The following SGK1 variants were observed in gnomAD, a reference collection of about 807,000 sequenced individuals.
The protein encoded by SGK1 is serine/threonine-protein kinase Sgk1.
In SGK1, 26 loss-of-function variants were observed where a neutral mutation model predicts 64.2. The observed-to-expected ratio is 0.40, with a 90% CI of 0.30 to 0.56. SGK1 has a LOEUF of 0.56. Among genes scored for constraint, SGK1 ranks in the 20% least tolerant of loss-of-function variants. The pLI, the probability that SGK1 is intolerant of heterozygous loss-of-function variation, is 0.38. For synonymous variants in SGK1, 265 were observed against 239.7 expected (o/e 1.11, Z -0.98); for missense variants, 519 against 645.6 (o/e 0.80, Z 2.12).
intron 3 of SGK1, among the ~76,000 whole-genome samples, chr6:134,176,185 C>T (rs1463275064): frequency 2.6e-5 from 4 of 152,178 alleles, no homozygotes; most frequent in Non-Finnish European, 4.4e-5. Context: ...GGGGCCTGCT[C>T]CTCTCCCGCT....
At chr6:134,238,889 G>A (rs1415356821) in intron 2 of SGK1, among the ~76,000 whole-genome samples, 1 of 152,176 alleles carries the variant, frequency 6.6e-6, no homozygotes, top group African/African-American at 2.4e-5. Flanking sequence ...GATCGTCTCA[G>A]ACGGCCACCA....
intron 1 of SGK1, among the ~76,000 whole-genome samples, chr6:134,307,017 C>T (rs566728206): frequency 6.6e-6 from 1 of 151,332 alleles, no homozygotes; most frequent in South Asian, 2.1e-4. Context: ...ATTTGCATTG[C>T]TCTGAGTTTT....
intron 1 of SGK1, among the ~76,000 whole-genome samples, chr6:134,281,251 G>T (rs976376109): frequency 6.6e-6 from 1 of 152,232 alleles, no homozygotes; most frequent in East Asian, 1.9e-4. Flanking sequence ...TTTTAGTACT[G>T]TTAGAAGATC....
chr6:134,251,744 T>C (rs1400206442), intron 2 of SGK1, among the ~76,000 whole-genome samples: 1 of 152,170 alleles, frequency 6.6e-6, no homozygotes, highest in Non-Finnish European at 1.5e-5. Flanking sequence ...ACTTGAATTG[T>C]GTCTCTCTGT....
intron 2 of SGK1, among the ~76,000 whole-genome samples, chr6:134,220,167 G>T (rs919676618): frequency 6.6e-6 from 1 of 150,542 alleles, no homozygotes; most frequent in Non-Finnish European, 1.5e-5. Context: ...TGTAGATTTT[G>T]CCTGATCCAG....
intron 1 of SGK1, among the ~76,000 whole-genome samples, chr6:134,284,158 T>A (rs1777143045): frequency 6.6e-6 from 1 of 152,120 alleles, no homozygotes; most frequent in African/African-American, 2.4e-5. Flanking sequence ...AGTGGCTCAA[T>A]CTCAGCTCAC....
chr6:134,262,079 C>T lies in SGK1; in HGVS notation c.139G>A (p.Gly47Ser), dbSNP rs147034221. 5.6e-6 allele frequency: 9 copies of T among 1,613,330 alleles called. No individual in the cohort carries two copies. Among genetic ancestry groups the T allele is most frequent in the Middle Eastern group, 1.7e-4 (1 of 6,054 alleles). The change falls in exon 2 of 14, where the codon GGC becomes AGC. Residue 47 changes from glycine to serine, a missense_variant. By Grantham distance (56) the Gly-to-Ser change is moderately conservative. Transcript: ENST00000367858. Reference protein sequence around the residue: ...KHQSPSLKYTGSSMVHIPPGE... With the variant: ...KHQSPSLKYTSSSMVHIPPGE... ...GGAGGGATGTGCACCATGGAGGAGCCGGTGTACTTCAGGCTGGGACTCTGA... is the reference window on the plus strand; with the variant it reads ...GGAGGGATGTGCACCATGGAGGAGCTGGTGTACTTCAGGCTGGGACTCTGA...
intron 1 of SGK1, among the ~76,000 whole-genome samples, chr6:134,276,844 G>T (rs1777025733): frequency 6.6e-6 from 1 of 152,026 alleles, no homozygotes. Flanking sequence ...TTGAGCTCAG[G>T]TGTTCTAGAC....
At chr6:134,230,160 A>G (rs1488595369) in intron 2 of SGK1, among the ~76,000 whole-genome samples, 1 of 152,156 alleles carries the variant, frequency 6.6e-6, no homozygotes, top group East Asian at 1.9e-4. Flanking sequence ...CCTTGATGCT[A>G]TGAAAAATCA....
intron 3 of SGK1, among the ~76,000 whole-genome samples, chr6:134,206,340 TA>T (rs1775769675): frequency 6.2e-5 from 1 of 16,242 alleles, no homozygotes; most frequent in Non-Finnish European, 1.3e-4. Context: ...TACCTGATGA[TA>T]TATATATATA....
chr6:134,259,767 G>C (rs1380415023), intron 2 of SGK1: 3 of 152,162 alleles, frequency 2.0e-5, no homozygotes, highest in Admixed American at 2.0e-4. Context: ...TCTATCCCTT[G>C]CATCAGGAGC....
intron 3 of SGK1, among the ~76,000 whole-genome samples, chr6:134,199,040 C>G (rs1775638757): frequency 6.6e-6 from 1 of 152,074 alleles, no homozygotes; most frequent in African/African-American, 2.4e-5. Context: ...TGCAAGCCAC[C>G]ACACCCAGCT....
At chr6:134,267,619 T>C (rs1166003448) in intron 1 of SGK1, among the ~76,000 whole-genome samples, 1 of 152,152 alleles carries the variant, frequency 6.6e-6, no homozygotes, top group African/African-American at 2.4e-5. Flanking sequence ...AGGGACATAC[T>C]ATTTATTTAA....
At chr6:134,244,964 C>T (rs1406958475) in intron 2 of SGK1, among the ~76,000 whole-genome samples, 8 of 152,142 alleles carry the variant, frequency 5.3e-5, no homozygotes, top group Non-Finnish European at 1.0e-4. Flanking sequence ...TTAGTAGAGA[C>T]GGGGTTTCGC....
At chr6:134,288,795 T>C (rs1777221929) in intron 1 of SGK1, among the ~76,000 whole-genome samples, 1 of 152,246 alleles carries the variant, frequency 6.6e-6, no homozygotes, top group South Asian at 2.1e-4. Flanking sequence ...TAATTTTCCC[T>C]GGTCTTGATC....
chr6:134,188,908 C>CTTTTTTT (rs34316759), intron 3 of SGK1, among the ~76,000 whole-genome samples: 34 of 110,204 alleles, frequency 3.1e-4, no homozygotes, highest in African/African-American at 7.9e-4. Context: ...ATTTCTTTTT[C>CTTTTTTT]TTTTTTTTTT....
chr6:134,205,378 A>G (rs1775753002), intron 3 of SGK1, among the ~76,000 whole-genome samples: 2 of 151,812 alleles, frequency 1.3e-5, no homozygotes, highest in African/African-American at 4.8e-5. Context: ...ACAGAAAACA[A>G]TTTTTTGACA....
rs1232537456 is a variant in SGK1 at position 134,173,015 on chromosome 6, C to G, written c.834+8G>C. On this transcript the variant is annotated splice_region_variant and intron_variant, in intron 8 of 13. Coordinates refer to ENST00000367858, the MANE Select transcript of SGK1 (RefSeq NM_001143676.3). Reference sequence around the variant, plus strand: ...CACTAAGAGTTGACTTCTATCCCCCCTGCTCACCTCTCCACCATTAATGTA... The same window carrying G: ...CACTAAGAGTTGACTTCTATCCCCCGTGCTCACCTCTCCACCATTAATGTA... 1.2e-6 allele frequency: 2 copies of G among 1,609,462 alleles called. No individual in the cohort carries two copies. Among genetic ancestry groups the G allele is most frequent in the East Asian group, 2.2e-5 (1 of 44,774 alleles).
chr6:134,170,628 C>T (rs1302507624), intron 13 of SGK1, 193 bp from the exon 14 acceptor site: 30 of 677,122 alleles, frequency 4.4e-5, no homozygotes, highest in Non-Finnish European at 6.7e-5. Flanking sequence ...CCTTTTGGTG[C>T]TTCGAATTGA....
Sources: allele counts gnomAD v4.1 joint callset (sites outside exome capture counted in the v4.1 genomes callset), GRCh38; gene constraint gnomAD v4.1.1; transcripts MANE v1.5; gene names NCBI Gene and HGNC (gene_info 2026-07-23, HGNC 2026-07-21).